Variants in AKAP3 observed in about 807,000 individuals in gnomAD.
AKAP3 encodes the protein A-kinase anchoring protein 3, also known as A-kinase anchor protein 3.
Under a neutral mutation model 57.2 loss-of-function variants are expected in AKAP3, and 27 were observed. That is an observed-to-expected ratio of 0.47 (90% CI 0.35 to 0.65). The LOEUF is 0.65. Ranked by LOEUF, AKAP3 falls within the 30% of genes least tolerant of loss-of-function variation. The pLI, the probability that AKAP3 is intolerant of heterozygous loss-of-function variation, is 0.01. For synonymous variants in AKAP3, 334 were observed against 392.3 expected (o/e 0.85, Z 1.76); for missense variants, 959 against 1,040.0 (o/e 0.92, Z 1.07).
At chr12:4,637,107 C>T (rs938427673) in intron 4 of AKAP3, among the ~76,000 whole-genome samples, 15 of 152,290 alleles carry the variant, frequency 9.8e-5, no homozygotes, top group African/African-American at 3.6e-4. Flanking sequence ...ATTATGAGAT[C>T]CTTAAAAGGA....
intron 4 of AKAP3, 129 bp from the exon 5 acceptor site, chr12:4,628,934 A>G: frequency 2.3e-6 from 2 of 878,548 alleles, no homozygotes; most frequent in Non-Finnish European, 3.4e-6. Context: ...AATAAAAGTA[A>G]CCATTTATTA....
chr12:4,644,227 G>A (rs1370830858), intron 2 of AKAP3, among the ~76,000 whole-genome samples: 2 of 152,070 alleles, frequency 1.3e-5, no homozygotes, highest in Non-Finnish European at 2.9e-5. Context: ...TGTTAGTATA[G>A]ATACTTTCAC....
At chr12:4,640,438 T>G (rs980436447) in intron 3 of AKAP3, among the ~76,000 whole-genome samples, 9 of 152,234 alleles carry the variant, frequency 5.9e-5, no homozygotes, top group Non-Finnish European at 1.0e-4. Context: ...GGCATGAACA[T>G]CTGGTTAACT....
At chr12:4,630,567 A>C (rs1043539760) in intron 4 of AKAP3, among the ~76,000 whole-genome samples, 3 of 152,232 alleles carry the variant, frequency 2.0e-5, no homozygotes, top group Non-Finnish European at 4.4e-5. Flanking sequence ...GCTTGGTTCA[A>C]AATTCTCCCA....
rs1306125701 is a variant in AKAP3, at chr12:4,627,230, T to C, written c.1672A>G (p.Asn558Asp). 6 of 1,614,082 alleles carry C rather than the reference T, an allele frequency of 3.7e-6. No individual in the cohort carries two copies. In the East Asian group the frequency reaches 1.3e-4, roughly 36 times the overall value. ...ACAGGAGGTTCATTGGCAGGAAAGT[T>C]GGTGGTGCCAGCAGCTTCAACGAAG... ...RSFVEAAGTT[N>D]FPANEPPVAP... The change falls in exon 5 of 6, where the codon AAC (asparagine) becomes GAC (aspartate). Residue 558 changes from asparagine (N) to aspartate (D), a missense_variant. Physicochemically the swap from Asn to Asp is conservative, Grantham distance 23. Coordinates refer to ENST00000228850, the MANE Select transcript of AKAP3 (RefSeq NM_001278309.2).
intron 4 of AKAP3, among the ~76,000 whole-genome samples, chr12:4,634,839 TTTA>T (rs756720669): frequency 5.9e-5 from 9 of 152,174 alleles, no homozygotes; most frequent in Non-Finnish European, 1.3e-4. Flanking sequence ...TTGTGGTTCA[TTTA>T]TTAAAATATG....
chr12:4,644,764 A>G (rs1945678102), intron 2 of AKAP3, among the ~76,000 whole-genome samples: 1 of 152,208 alleles, frequency 6.6e-6, no homozygotes. Flanking sequence ...AATACAAAAA[A>G]TTAGCCAGGT....
At chr12:4,638,228 C>A in intron 3 of AKAP3, 32 bp from the exon 4 acceptor site, 1 of 1,456,048 alleles carries the variant, frequency 6.9e-7, no homozygotes, top group South Asian at 1.2e-5. Context: ...GAGAAAGGGT[C>A]ATCACAAGGG....
intron 2 of AKAP3, among the ~76,000 whole-genome samples, chr12:4,644,809 G>C (rs769671389): frequency 6.6e-6 from 1 of 152,154 alleles, no homozygotes. Flanking sequence ...AGCTACTCGG[G>C]AGTCTGAGGC....
rs377722055 is a variant in AKAP3 at position 4,626,487 on chromosome 12, G to A, written c.2406+9C>T. 2.5e-6 allele frequency: 4 copies of A among 1,610,046 alleles called. No homozygotes were observed. Among genetic ancestry groups the A allele is most frequent in the African/African-American group, 1.3e-5 (1 of 74,732 alleles). On this transcript the variant is annotated intron_variant, in intron 5 of 5. Transcript: ENST00000228850. ...AAAGCTTCCAAATTCCTCTGCCTTT[G>A]TTTCTTACCTTCTCCTGGATCCCTT... is the stretch of plus-strand genomic sequence containing the variant.
rs556594642 is a variant in AKAP3, at chr12:4,641,135, C to T, written c.-1+764G>A. Among the ~76,000 whole-genome samples the T allele has an allele frequency of 2.6e-3, 347 of 131,856 alleles. 3 individuals are homozygous for T. Among genetic ancestry groups the T allele is most frequent in the Non-Finnish European group, 2.8e-3 (181 of 65,250 alleles). 86.5% of individuals were successfully genotyped at this position (131,856 alleles called of 152,430 possible). A position where few individuals can be genotyped will look rare whatever the true frequency, so the allele number is the denominator to read the frequency against. Reference sequence around the variant, plus strand: ...TTGGCCAGGTTGGAGTGTACAGGCGCGATCTCGGCTCACTGCAACATCTGC... The same window carrying T: ...TTGGCCAGGTTGGAGTGTACAGGCGTGATCTCGGCTCACTGCAACATCTGC... On this transcript the variant is annotated intron_variant, in intron 3 of 5. Coordinates refer to ENST00000228850, the MANE Select transcript of AKAP3 (RefSeq NM_001278309.2).
intron 5 of AKAP3, among the ~76,000 whole-genome samples, chr12:4,617,370 A>G (rs1483757187): frequency 1.3e-5 from 2 of 152,394 alleles, no homozygotes; most frequent in Admixed American, 1.3e-4. Flanking sequence ...TATCAGAAGG[A>G]AACTGGGAAC....
intron 5 of AKAP3, 71 bp downstream of exon 5, chr12:4,626,421 CAGAA>C: frequency 2.7e-6 from 4 of 1,499,174 alleles, no homozygotes; most frequent in Non-Finnish European, 3.6e-6. Flanking sequence ...TCTTCCCATT[CAGAA>C]AGAAACCAGA....
intron 2 of AKAP3, among the ~76,000 whole-genome samples, chr12:4,642,518 T>G (rs1047674384): frequency 6.6e-6 from 1 of 152,188 alleles, no homozygotes; most frequent in Admixed American, 6.5e-5. Flanking sequence ...TGGAAGACAT[T>G]AGGGCACTGT....
At position 4,648,764 on chromosome 12, in the gene AKAP3, T is replaced by G; in HGVS notation, c.-264A>C. ...ACTCACCAGGGCTGCCAGCTTAGCT[T>G]ACATTTTCAGGGAACAGGAAACTGA... On this transcript the variant is annotated 5_prime_UTR_variant, in exon 1 of 6. It removes the in-frame stop codon of an upstream open reading frame in the 5' UTR. Transcript: ENST00000228850. 1 of 222,116 alleles carries G rather than the reference T, an allele frequency of 4.5e-6. No individual in the cohort carries two copies. Among genetic ancestry groups the G allele is most frequent in the Non-Finnish European group, 8.9e-6 (1 of 112,604 alleles). 13.8% of individuals were successfully genotyped at this position (222,116 alleles called of 1,614,324 possible).
At chr12:4,623,977 G>T (rs1398817609) in intron 5 of AKAP3, among the ~76,000 whole-genome samples, 1 of 138,284 alleles carries the variant, frequency 7.2e-6, no homozygotes, top group African/African-American at 2.6e-5. Context: ...CTCTATGGAA[G>T]GCAATTTGGA....
Position 4,628,795 on chromosome 12 carries a change from G to A in AKAP3, c.107C>T (p.Thr36Met), listed in dbSNP as rs775740904. The A allele has an allele frequency of 1.6e-5, 25 of 1,600,308 alleles. No homozygotes were observed. Among genetic ancestry groups the A allele is most frequent in the Middle Eastern group, 3.3e-4 (2 of 6,024 alleles). Residue 36 changes from threonine (T) to methionine (M), a missense_variant, in exon 5 of 6, where the codon ACG (threonine) becomes ATG (methionine). By Grantham distance (81) the Thr-to-Met change is moderately conservative. Coordinates refer to ENST00000228850, the MANE Select transcript of AKAP3 (RefSeq NM_001278309.2). ...CCAGCTGAGCACTCTGACAGGATCC[G>A]TGGAGGTGTCCTTAAAAATAGACAA... ...QAQDWKMDTSTDPVRVLSWLR... is the reference protein window; with the variant it reads ...QAQDWKMDTSMDPVRVLSWLR...
intron 4 of AKAP3, among the ~76,000 whole-genome samples, 189 bp from the exon 5 acceptor site, chr12:4,628,994 C>T (rs1213216796): frequency 6.6e-6 from 1 of 152,210 alleles, no homozygotes; most frequent in Non-Finnish European, 1.5e-5. Flanking sequence ...AGTCTATTAT[C>T]TCATTTAATT....
Position 4,626,874 on chromosome 12 carries a change from T to C in AKAP3, c.2028A>G (p.Ser676=). Reference sequence around the variant, plus strand: ...CAATGATGACACACAGCTTCATCACTGAGTTCATCAGATGTTCTACCATCT... The same window carrying C: ...CAATGATGACACACAGCTTCATCACCGAGTTCATCAGATGTTCTACCATCT... ...SGQMVEHLMN[S]VMKLCVIIAK... is the part of the protein sequence containing the mutation. The change falls in exon 5 of 6, where the codon TCA becomes TCG. Residue 676 remains serine (S), a synonymous_variant. Transcript: ENST00000228850. 6.2e-7 allele frequency: 1 copy of C among 1,612,770 alleles called. No individual in the cohort carries two copies.
Sources: allele counts gnomAD v4.1 joint callset (sites outside exome capture counted in the v4.1 genomes callset), GRCh38; gene constraint gnomAD v4.1.1; transcripts MANE v1.5; gene names NCBI Gene and HGNC (gene_info 2026-07-23, HGNC 2026-07-21).